The following SGK1 variants were observed in gnomAD, a reference collection of about 807,000 sequenced individuals.
SGK1 encodes serine/threonine-protein kinase Sgk1.
Under a neutral mutation model 64.2 loss-of-function variants are expected in SGK1, and 26 were observed. That is an observed-to-expected ratio of 0.40 (90% CI 0.30 to 0.56). The LOEUF (loss-of-function observed/expected upper bound fraction) is 0.56. Among genes scored for constraint, SGK1 ranks in the 20% least tolerant of loss-of-function variants. The probability of loss-of-function intolerance (pLI) is 0.38; values close to 1 mark genes in which losing one functional copy is unlikely to be tolerated. For synonymous variants in SGK1, 265 were observed against 239.7 expected (o/e 1.11, Z -0.98); for missense variants, 519 against 645.6 (o/e 0.80, Z 2.12).
At chr6:134,268,002 C>G (rs1222847409) in intron 1 of SGK1, among the ~76,000 whole-genome samples, 1 of 152,194 alleles carries the variant, frequency 6.6e-6, no homozygotes, top group Non-Finnish European at 1.5e-5. Context: ...GTGATTTTTA[C>G]AGGCCCAATT....
chr6:134,177,654 A>G (rs780600294), intron 3 of SGK1: 12 of 1,612,668 alleles, frequency 7.4e-6, no homozygotes, highest in Non-Finnish European at 8.5e-7. Flanking sequence ...TAGTACGGTA[A>G]GTACGAACCT....
At chr6:134,217,570 G>A (rs1327243219) in intron 2 of SGK1, among the ~76,000 whole-genome samples, 1 of 152,120 alleles carries the variant, frequency 6.6e-6, no homozygotes, top group Non-Finnish European at 1.5e-5. Flanking sequence ...ATGGAATGTG[G>A]CCACATTATC....
intron 2 of SGK1, among the ~76,000 whole-genome samples, chr6:134,245,397 T>C (rs1776511804): frequency 6.6e-6 from 1 of 152,260 alleles, no homozygotes; most frequent in Admixed American, 6.5e-5. Context: ...TATTTCAGGT[T>C]ACAGTCTAGA....
rs781187202 is a variant in SGK1, at chr6:134,171,700, A to C, written c.1104T>G (p.Pro368=). 5 of 1,613,896 alleles carry C rather than the reference A, an allele frequency of 3.1e-6. No individual in the cohort carries two copies. Among genetic ancestry groups the C allele is most frequent in the African/African-American group, 2.7e-5 (2 of 74,922 alleles). ...YLAPEVLHKQ[P]YDRTVDWWCL... The stretch of plus-strand genomic sequence containing the variant: ...ACCACCAGTCCACAGTCCTGTCATA[A>C]GGCTGCTTATGAAGCACCTCAGGTG... The change falls in exon 11 of 14, where the codon CCT becomes CCG. Residue 368 remains proline, a synonymous_variant. Transcript: ENST00000367858.
At chr6:134,196,785 CAG>C (rs763439794) in intron 3 of SGK1, among the ~76,000 whole-genome samples, 2 of 152,236 alleles carry the variant, frequency 1.3e-5, no homozygotes, top group Admixed American at 1.3e-4. Context: ...GTATGAGTGA[CAG>C]AGTGAGTGGG....
At chr6:134,239,348 G>T (rs529640875) in intron 2 of SGK1, among the ~76,000 whole-genome samples, 2 of 152,194 alleles carry the variant, frequency 1.3e-5, no homozygotes, top group Middle Eastern at 3.2e-3. Context: ...AGCTGACCTG[G>T]ATCTAAAACC....
intron 3 of SGK1, chr6:134,175,758 C>T: frequency 1.5e-6 from 2 of 1,341,090 alleles, no homozygotes; most frequent in Non-Finnish European, 1.9e-6. Flanking sequence ...GGCAAGATTT[C>T]CTGCCCCGAG....
intron 2 of SGK1, among the ~76,000 whole-genome samples, chr6:134,245,082 A>C (rs1471789524): frequency 1.3e-5 from 2 of 152,178 alleles, no homozygotes; most frequent in African/African-American, 4.8e-5. Flanking sequence ...TGCCTTAAAC[A>C]ATAGTTTTAA....
intron 2 of SGK1, among the ~76,000 whole-genome samples, chr6:134,242,835 T>C (rs1776469722): frequency 6.6e-6 from 1 of 152,190 alleles, no homozygotes; most frequent in African/African-American, 2.4e-5. Flanking sequence ...ACAATCTGAA[T>C]AGATATTTCA....
intron 2 of SGK1, among the ~76,000 whole-genome samples, chr6:134,220,321 C>T (rs1043225677): frequency 5.3e-5 from 8 of 151,988 alleles, no homozygotes; most frequent in Non-Finnish European, 1.2e-4. Context: ...AGTTCAGCTC[C>T]CTTATTTAAT....
chr6:134,216,608 T>C (rs1443142603), intron 2 of SGK1, among the ~76,000 whole-genome samples: 1 of 152,216 alleles, frequency 6.6e-6, no homozygotes, highest in Non-Finnish European at 1.5e-5. Context: ...TGCTAACTCA[T>C]TGCTCCCTAG....
chr6:134,192,660 C>T (rs1213595076), intron 3 of SGK1, among the ~76,000 whole-genome samples: 1 of 151,436 alleles, frequency 6.6e-6, no homozygotes, highest in Non-Finnish European at 1.5e-5. Context: ...AACTCTGCCT[C>T]CCGGGTTCAA....
At chr6:134,177,793 C>T (rs1775271685) in intron 3 of SGK1, 1 of 1,613,624 alleles carries the variant, frequency 6.2e-7, no homozygotes, top group Non-Finnish European at 8.5e-7. Flanking sequence ...TGCTACATGC[C>T]TCTGATAAGC....
intron 2 of SGK1, among the ~76,000 whole-genome samples, chr6:134,231,005 C>T (rs763788571): frequency 3.3e-5 from 5 of 152,030 alleles, no homozygotes; most frequent in Admixed American, 1.3e-4. Flanking sequence ...CAGAGAAAGA[C>T]GCTGACTCAA....
intron 1 of SGK1, chr6:134,298,523 G>A (rs1347803192): frequency 8.2e-5 from 66 of 801,206 alleles, no homozygotes; most frequent in South Asian, 5.0e-4. Flanking sequence ...CTCCCATGCC[G>A]CTGGCCCCAC....
intron 3 of SGK1, among the ~76,000 whole-genome samples, chr6:134,194,129 A>G (rs1027096325): frequency 1.3e-5 from 2 of 152,090 alleles, no homozygotes; most frequent in Non-Finnish European, 2.9e-5. Context: ...ACATGAAGAG[A>G]AAGTGTGAAC....
At chr6:134,243,445 C>T (rs1055528478) in intron 2 of SGK1, among the ~76,000 whole-genome samples, 4 of 152,158 alleles carry the variant, frequency 2.6e-5, no homozygotes, top group Admixed American at 6.5e-5. Context: ...TCTCGGTTCA[C>T]TGCAACCTCC....
intron 3 of SGK1, among the ~76,000 whole-genome samples, chr6:134,179,494 C>CTTT (rs5880206): frequency 0.013 from 1,644 of 128,268 alleles, 33 homozygotes; most frequent in Non-Finnish European, 0.018. Context: ...AAAGGCATGT[C>CTTT]TTTTTTTTTT....
In SGK1 at chr6:134,295,063, T is replaced by C. The variant is rs1167263708; in HGVS notation, c.69+22329A>G. Among the ~76,000 whole-genome samples, 8 of 152,144 alleles carry C rather than the reference T, an allele frequency of 5.3e-5. No homozygotes were observed. In the East Asian group the frequency reaches 1.6e-3, roughly 30 times the overall value. ...GATTTCAGCTAGAGATGAGTGAAAA[T>C]GAATATGTAATTTTTTTTTTCATCC... On this transcript the variant is annotated intron_variant, in intron 1 of 13. Coordinates refer to ENST00000367858, the MANE Select transcript of SGK1 (RefSeq NM_001143676.3).
Sources: gnomAD v4.1 joint callset for allele counts (sites outside exome capture counted in the v4.1 genomes callset) on GRCh38, gnomAD v4.1.1 for gene constraint, MANE v1.5 for transcripts, NCBI Gene and HGNC (gene_info 2026-07-23, HGNC 2026-07-21) for gene names.